The following AQR variants were observed in gnomAD, a reference collection of about 807,000 sequenced individuals.
The protein encoded by AQR is aquarius intron-binding spliceosomal factor, also known as RNA helicase aquarius.
In AQR, 61 loss-of-function variants were observed where a neutral mutation model predicts 180.5. The ratio of observed to expected loss-of-function variants is 0.34; its 90% CI spans 0.28 to 0.42. The LOEUF is 0.42. Among genes scored for constraint, AQR ranks in the 10% least tolerant of loss-of-function variants. The pLI, the probability that AQR is intolerant of heterozygous loss-of-function variation, is 1.00. For missense variants in AQR, 1,281 were observed against 1,798.3 expected, an observed-to-expected ratio of 0.71 and a Z score of 5.20; for synonymous variants, 551 against 588.8, an observed-to-expected ratio of 0.94 and a Z score of 0.93.
At chr15:34,961,349 C>T (rs935634232) in intron 2 of AQR, among the ~76,000 whole-genome samples, 1 of 151,916 alleles carries the variant, frequency 6.6e-6, no homozygotes, top group Non-Finnish European at 1.5e-5. Context: ...CGGTGGCTCA[C>T]GACTGTAATC....
At chr15:34,924,707 A>G (rs1893731672) in intron 13 of AQR, among the ~76,000 whole-genome samples, 1 of 152,190 alleles carries the variant, frequency 6.6e-6, no homozygotes, top group Admixed American at 6.5e-5. Context: ...CTGGGGTTAT[A>G]GGCGTGAGCT....
At chr15:34,891,614 G>A (rs989439830) in intron 23 of AQR, among the ~76,000 whole-genome samples, 1 of 151,986 alleles carries the variant, frequency 6.6e-6, no homozygotes, top group African/African-American at 2.4e-5. Flanking sequence ...ATAAAGTAGA[G>A]GATAACTGTA....
At chr15:34,947,603 A>G (rs1555426513) in intron 5 of AQR, among the ~76,000 whole-genome samples, 1 of 151,850 alleles carries the variant, frequency 6.6e-6, no homozygotes, top group Non-Finnish European at 1.5e-5. Flanking sequence ...GAAAAAAGAC[A>G]CTGAAAAATA....
At chr15:34,967,212 A>G (rs2050314250) in intron 1 of AQR, among the ~76,000 whole-genome samples, 1 of 152,026 alleles carries the variant, frequency 6.6e-6, no homozygotes, top group African/African-American at 2.4e-5. Flanking sequence ...CCTTCTTTAC[A>G]TTCACACCTT....
intron 1 of AQR, 121 bp downstream of exon 1, chr15:34,969,418 A>G: frequency 2.0e-6 from 2 of 1,001,850 alleles, no homozygotes; most frequent in East Asian, 2.6e-5. Context: ...GACGTGTGTG[A>G]ATCAATTAAC....
intron 9 of AQR, among the ~76,000 whole-genome samples, chr15:34,937,151 C>CCT (rs1329289722): frequency 6.6e-6 from 1 of 152,190 alleles, no homozygotes; most frequent in Non-Finnish European, 1.5e-5. Flanking sequence ...CATTCTCCTG[C>CCT]CTCAGCCTCC....
At chr15:34,863,124 A>C in intron 32 of AQR, 83 bp from the exon 33 acceptor site, 1 of 1,311,358 alleles carries the variant, frequency 7.6e-7, no homozygotes, top group South Asian at 1.6e-5. Flanking sequence ...AGATTTCATT[A>C]GATAGTCCTG....
At chr15:34,964,786 G>A (rs1288992675) in intron 1 of AQR, among the ~76,000 whole-genome samples, 1 of 150,556 alleles carries the variant, frequency 6.6e-6, no homozygotes, top group Admixed American at 6.6e-5. Context: ...GTAGTCTATC[G>A]GCTGCTTATT....
At chr15:34,867,774 G>A in intron 31 of AQR, 165 bp from the exon 32 acceptor site, 1 of 575,224 alleles carries the variant, frequency 1.7e-6, no homozygotes, top group Non-Finnish European at 3.0e-6. Flanking sequence ...CATTATTAAA[G>A]AAACCATACT....
chr15:34,961,535 G>A lies in AQR; in HGVS notation c.133-721C>T, dbSNP rs28503182. ...TGAGGCAGGAGAATCACTTGAACCCGGGAGGCGGAGGTTGCAGTGAGTCAA... is the reference window on the plus strand; with the variant it reads ...TGAGGCAGGAGAATCACTTGAACCCAGGAGGCGGAGGTTGCAGTGAGTCAA... On this transcript the variant is annotated intron_variant, in intron 2 of 34. Transcript: ENST00000156471. Among the ~76,000 whole-genome samples, 1,233 of 150,818 alleles carry A rather than the reference G, an allele frequency of 8.2e-3. 18 individuals are homozygous for A. The highest frequency in any genetic ancestry group is 0.028 in the African/African-American group (1,155 of 40,918).
intron 2 of AQR, 133 bp from the exon 3 acceptor site, chr15:34,960,947 AATGAG>A (rs749074103): frequency 2.5e-4 from 97 of 392,604 alleles, no homozygotes; most frequent in Admixed American, 4.1e-4. Context: ...CTATTGAAAT[AATGAG>A]ATATTTAAAA....
chr15:34,864,759 T>C (rs1180920610), intron 32 of AQR, among the ~76,000 whole-genome samples: 4 of 152,076 alleles, frequency 2.6e-5, no homozygotes, highest in African/African-American at 9.7e-5. Context: ...GGAGAAAACT[T>C]CTCCCCAGCC....
intron 27 of AQR, among the ~76,000 whole-genome samples, chr15:34,877,063 C>T (rs1892898046): frequency 1.3e-5 from 2 of 152,158 alleles, no homozygotes; most frequent in African/African-American, 2.4e-5. Context: ...TTTTCCGTAG[C>T]CCAGTTCCCA....
chr15:34,938,865 A>G, intron 8 of AQR, 52 bp from the exon 9 acceptor site: 1 of 1,329,136 alleles, frequency 7.5e-7, no homozygotes, highest in Non-Finnish European at 1.1e-6. Flanking sequence ...AGTCATTTCA[A>G]AAGTAAACTT....
chr15:34,939,463 TA>T (rs567904761), intron 8 of AQR, among the ~76,000 whole-genome samples: 2 of 152,194 alleles, frequency 1.3e-5, no homozygotes, highest in Non-Finnish European at 2.9e-5. Flanking sequence ...CCCTTACCAT[TA>T]AAAATCTCAC....
chr15:34,966,936 G>A (rs2050312577), intron 1 of AQR, among the ~76,000 whole-genome samples: 1 of 136,858 alleles, frequency 7.3e-6, no homozygotes, highest in Admixed American at 7.9e-5. Context: ...AAGTACAATG[G>A]CGTGATCTCA....
chr15:34,852,547 G>C lies in AQR; in HGVS notation c.*4245C>G, dbSNP rs1892530099. The C allele has an allele frequency of 6.7e-6, 1 of 150,180 alleles. No individual in the cohort carries two copies. The highest frequency in any genetic ancestry group is 2.1e-4 in the South Asian group (1 of 4,678). 9.3% of individuals were successfully genotyped at this position (150,180 alleles called of 1,614,324 possible). ...AAAAGTTTCCCAAACTGTGTTCTAA[G>C]GAAATAGCTACCTATCTTATTAAAA... is the stretch of plus-strand genomic sequence containing the variant. On this transcript the variant is annotated 3_prime_UTR_variant, in exon 35 of 35. Coordinates refer to ENST00000156471, the MANE Select transcript of AQR (RefSeq NM_014691.3).
At chr15:34,955,549 TG>T (rs758056221) in intron 3 of AQR, among the ~76,000 whole-genome samples, 85 of 152,206 alleles carry the variant, frequency 5.6e-4, no homozygotes, top group African/African-American at 2.0e-3. Context: ...TATTAACTTC[TG>T]AGCTACCTAC....
chr15:34,856,548 ACACT>A lies in AQR; in HGVS notation c.*240_*243del. On this transcript the variant is annotated 3_prime_UTR_variant, in exon 35 of 35. Coordinates refer to ENST00000156471, the MANE Select transcript of AQR (RefSeq NM_014691.3). Reference sequence around the variant, plus strand: ...TTTTAATGTAGGTATGATTACAGACACACTCAGTGATCAAAACATGAAAGGAATG... The same window carrying A: ...TTTTAATGTAGGTATGATTACAGACACAGTGATCAAAACATGAAAGGAATG... The A allele has an allele frequency of 4.6e-6, 2 of 437,298 alleles. No homozygotes were observed. The highest frequency in any genetic ancestry group is 8.1e-6 in the Non-Finnish European group (2 of 248,386). 27.1% of individuals were successfully genotyped at this position (437,298 alleles called of 1,614,324 possible).
Sources: gnomAD v4.1 joint callset for allele counts (sites outside exome capture counted in the v4.1 genomes callset) on GRCh38, gnomAD v4.1.1 for gene constraint, MANE v1.5 for transcripts, NCBI Gene and HGNC (gene_info 2026-07-23, HGNC 2026-07-21) for gene names.